The following DGKI variants were observed in gnomAD, a reference collection of about 807,000 sequenced individuals.
DGKI encodes diacylglycerol kinase iota.
DGKI carries 55 observed loss-of-function variants against 147.5 expected under a neutral mutation model. The observed-to-expected ratio is 0.37, with a 90% CI of 0.30 to 0.47. The LOEUF is 0.47. Ranked by LOEUF, DGKI falls within the 20% of genes least tolerant of loss-of-function variation. The probability of loss-of-function intolerance (pLI) is 1.00; values close to 1 mark genes in which losing one functional copy is unlikely to be tolerated. For missense variants in DGKI, 1,007 were observed against 1,323.8 expected, an observed-to-expected ratio of 0.76 and a Z score of 3.71; for synonymous variants, 469 against 477.1, an observed-to-expected ratio of 0.98 and a Z score of 0.22.
intron 20 of DGKI, 102 bp from the exon 21 acceptor site, chr7:137,522,068 G>C (rs1346430738): frequency 8.9e-6 from 7 of 790,904 alleles, no homozygotes; most frequent in Non-Finnish European, 1.4e-5. Context: ...ATGTTTAGAA[G>C]GAAGAGTTCA....
At chr7:137,754,846 C>G (rs3800654) in intron 1 of DGKI, among the ~76,000 whole-genome samples, 1 of 151,962 alleles carries the variant, frequency 6.6e-6, no homozygotes, top group African/African-American at 2.4e-5. Context: ...TGACTCACAG[C>G]AGAGGGGTGG....
chr7:137,791,244 C>T (rs1441216232), intron 1 of DGKI, among the ~76,000 whole-genome samples: 1 of 152,064 alleles, frequency 6.6e-6, no homozygotes, highest in Non-Finnish European at 1.5e-5. Flanking sequence ...CCTCAGCTGG[C>T]CATAATATGA....
At chr7:137,394,464 T>G (rs1298035669) in intron 32 of DGKI, among the ~76,000 whole-genome samples, 1 of 152,172 alleles carries the variant, frequency 6.6e-6, no homozygotes, top group East Asian at 1.9e-4. Context: ...TCTTCTTTCT[T>G]ATAGGCTGAG....
At chr7:137,408,028 G>T (rs771883035) in intron 29 of DGKI, 33 bp from the exon 30 acceptor site, 1 of 1,612,336 alleles carries the variant, frequency 6.2e-7, no homozygotes, top group East Asian at 2.2e-5. Context: ...AGAAGCTCAG[G>T]CAGAATTCGG....
At chr7:137,703,208 A>C (rs1359026515) in intron 1 of DGKI, among the ~76,000 whole-genome samples, 3 of 152,202 alleles carry the variant, frequency 2.0e-5, no homozygotes, top group Non-Finnish European at 2.9e-5. Flanking sequence ...TAGCAGCAGG[A>C]GAGAGAGGGA....
chr7:137,621,132 TCATTAATCAAG>T (rs969567447), intron 7 of DGKI, among the ~76,000 whole-genome samples: 1 of 152,212 alleles, frequency 6.6e-6, no homozygotes, highest in African/African-American at 2.4e-5. Flanking sequence ...CAGTGGCTAA[TCATTAATCAAG>T]CAATTGTATA....
intron 1 of DGKI, among the ~76,000 whole-genome samples, chr7:137,829,561 G>A (rs758662367): frequency 3.3e-5 from 5 of 152,160 alleles, no homozygotes; most frequent in Non-Finnish European, 7.3e-5. Context: ...GCTACATAAG[G>A]CCCTTATTTA....
At chr7:137,593,639 T>A (rs1203454954) in intron 12 of DGKI, among the ~76,000 whole-genome samples, 1 of 152,224 alleles carries the variant, frequency 6.6e-6, no homozygotes, top group African/African-American at 2.4e-5. Context: ...CCAAATTGGA[T>A]GTGCTGTAAG....
At chr7:137,799,093 A>G (rs1475205852) in intron 1 of DGKI, among the ~76,000 whole-genome samples, 2 of 152,218 alleles carry the variant, frequency 1.3e-5, no homozygotes, top group African/African-American at 4.8e-5. Context: ...TCTCTCTTAG[A>G]TAAGGCAAAA....
chr7:137,463,724 TTA>T, intron 26 of DGKI, 113 bp from the exon 27 acceptor site: 4 of 1,256,376 alleles, frequency 3.2e-6, no homozygotes, highest in Non-Finnish European at 4.4e-6. Flanking sequence ...AAATTCATCT[TTA>T]TGAAGTGTTT....
chr7:137,776,316 A>G (rs2116870471), intron 1 of DGKI, among the ~76,000 whole-genome samples: 1 of 152,366 alleles, frequency 6.6e-6, no homozygotes, highest in East Asian at 1.9e-4. Context: ...TACCCATTAA[A>G]AATCAATAAA....
At chr7:137,662,434 G>A (rs13438479) in intron 3 of DGKI, among the ~76,000 whole-genome samples, 23,044 of 151,858 alleles carry the variant, frequency 0.15, 5,237 homozygotes, top group African/African-American at 0.5. Flanking sequence ...TAGTAGAGAC[G>A]GGGTTTCACT....
intron 32 of DGKI, among the ~76,000 whole-genome samples, chr7:137,394,621 C>T (rs144944803): frequency 7.8e-4 from 119 of 152,308 alleles, no homozygotes; most frequent in African/African-American, 2.5e-3. Flanking sequence ...GCCTCACCTC[C>T]GCCAGCTGAT....
rs192658063 is a variant in DGKI at position 137,644,942 on chromosome 7, C to G, written c.804+530G>C. 3.1e-3 allele frequency among the ~76,000 whole-genome samples: 467 copies of G among 152,272 alleles called. 3 individuals are homozygous for G. The highest frequency in any genetic ancestry group is 5.0e-3 in the Non-Finnish European group (338 of 68,020). ...TCACTTTTCCAAGTGGCACTGCATCCTGAGGGACCTATAACCAGCCATGAT... is the reference window on the plus strand; with the variant it reads ...TCACTTTTCCAAGTGGCACTGCATCGTGAGGGACCTATAACCAGCCATGAT... On this transcript the variant is annotated intron_variant, in intron 6 of 32. Coordinates refer to ENST00000614521, the MANE Select transcript of DGKI (RefSeq NM_001321708.2).
At chr7:137,820,334 C>T (rs1396285964) in intron 1 of DGKI, among the ~76,000 whole-genome samples, 1 of 152,222 alleles carries the variant, frequency 6.6e-6, no homozygotes, top group African/African-American at 2.4e-5. Flanking sequence ...TGACATTCCA[C>T]ATCCACCCAC....
At chr7:137,753,942 T>TA (rs2116771002) in intron 1 of DGKI, among the ~76,000 whole-genome samples, 1 of 152,158 alleles carries the variant, frequency 6.6e-6, no homozygotes, top group East Asian at 1.9e-4. Flanking sequence ...TCAATGTTTC[T>TA]ATTACAACAT....
At chr7:137,406,964 T>A (rs1234580012) in intron 30 of DGKI, among the ~76,000 whole-genome samples, 1 of 120,198 alleles carries the variant, frequency 8.3e-6, no homozygotes. Flanking sequence ...AAAAAGGATG[T>A]GAATGTTTAT....
chr7:137,638,623 T>C (rs13307839), intron 6 of DGKI, among the ~76,000 whole-genome samples: 57 of 2,710 alleles, frequency 0.021, 6 homozygotes, highest in African/African-American at 0.067. Flanking sequence ...CACACACACA[T>C]ATATATGTGT....
intron 16 of DGKI, among the ~76,000 whole-genome samples, chr7:137,577,680 C>T (rs899484534): frequency 9.2e-5 from 14 of 152,146 alleles, no homozygotes; most frequent in Non-Finnish European, 4.4e-5. Context: ...TATGCAGCTC[C>T]CAAACGCCTT....
Sources: allele counts gnomAD v4.1 joint callset (sites outside exome capture counted in the v4.1 genomes callset), GRCh38; gene constraint gnomAD v4.1.1; transcripts MANE v1.5; gene names NCBI Gene and HGNC (gene_info 2026-07-23, HGNC 2026-07-21).